The following PTPRQ variants were observed in gnomAD, a reference collection of about 807,000 sequenced individuals.
PTPRQ encodes the protein phosphatidylinositol phosphatase PTPRQ.
A neutral mutation model predicts 246.0 loss-of-function variants in PTPRQ; 199 were observed. The ratio of observed to expected loss-of-function variants is 0.81; its 90% confidence interval spans 0.72 to 0.91. PTPRQ has a LOEUF of 0.91. Ranked by LOEUF, PTPRQ falls within the 40% of genes least tolerant of loss-of-function variation. The pLI, the probability that PTPRQ is intolerant of heterozygous loss-of-function variation, is 0.00. For synonymous variants in PTPRQ, 869 were observed against 853.2 expected (o/e 1.02, Z -0.32); for missense variants, 2,624 against 2,528.4 (o/e 1.04, Z -0.81).
chr12:80,539,699 A>G, intron 19 of PTPRQ, 77 bp from the exon 20 acceptor site: 1 of 1,193,504 alleles, frequency 8.4e-7, no homozygotes, highest in Non-Finnish European at 1.1e-6. Flanking sequence ...AAATCGATCC[A>G]TTGATAACAA....
chr12:80,606,139 G>A (rs1053465872), intron 27 of PTPRQ, among the ~76,000 whole-genome samples: 13 of 151,056 alleles, frequency 8.6e-5, no homozygotes, highest in African/African-American at 2.4e-4. Context: ...GGAAAGGAAT[G>A]AGTTCAGTAT....
At chr12:80,665,941 AT>A (rs1049950128) in intron 39 of PTPRQ, among the ~76,000 whole-genome samples, 4 of 152,032 alleles carry the variant, frequency 2.6e-5, no homozygotes, top group African/African-American at 4.8e-5. Context: ...AGACAAAAAA[AT>A]AACAAATGCC....
chr12:80,600,917 G>A (rs757619091), intron 26 of PTPRQ, among the ~76,000 whole-genome samples: 5 of 151,688 alleles, frequency 3.3e-5, no homozygotes, highest in African/African-American at 9.7e-5. Flanking sequence ...ACTCAACTGG[G>A]CTTCAGCTTC....
chr12:80,521,110 A>G (rs12817701), intron 17 of PTPRQ, among the ~76,000 whole-genome samples: 52,647 of 151,240 alleles, frequency 0.35, 11,304 homozygotes, highest in African/African-American at 0.61. Context: ...TCTGATGGCC[A>G]GTGATGATGA....
intron 44 of PTPRQ, 114 bp downstream of exon 44, chr12:80,678,839 G>T: frequency 6.9e-7 from 1 of 1,439,166 alleles, no homozygotes; most frequent in Non-Finnish European, 9.1e-7. Flanking sequence ...TTAGTGCACA[G>T]ATCAGGTTTT....
At chr12:80,666,466 G>A (rs1170279759) in intron 39 of PTPRQ, among the ~76,000 whole-genome samples, 2 of 151,928 alleles carry the variant, frequency 1.3e-5, no homozygotes, top group African/African-American at 4.8e-5. Context: ...CAGCTAGATA[G>A]GAGAAATAAA....
intron 35 of PTPRQ, among the ~76,000 whole-genome samples, chr12:80,644,050 C>T (rs1316606652): frequency 6.6e-6 from 1 of 152,140 alleles, no homozygotes; most frequent in Non-Finnish European, 1.5e-5. Flanking sequence ...TCATCTGTGG[C>T]TCTCTATTAG....
At chr12:80,642,404 G>T (rs1215677066) in intron 35 of PTPRQ, among the ~76,000 whole-genome samples, 1 of 152,134 alleles carries the variant, frequency 6.6e-6, no homozygotes, top group Non-Finnish European at 1.5e-5. Context: ...CCCGGATGTA[G>T]CTAAACAATG....
intron 42 of PTPRQ, among the ~76,000 whole-genome samples, chr12:80,670,870 G>T (rs1900946983): frequency 6.6e-6 from 1 of 152,014 alleles, no homozygotes; most frequent in African/African-American, 2.4e-5. Context: ...ATGATGAAAA[G>T]TTCTGGAAAT....
intron 37 of PTPRQ, among the ~76,000 whole-genome samples, chr12:80,649,946 C>A (rs1197414182): frequency 6.6e-6 from 1 of 152,100 alleles, no homozygotes; most frequent in Non-Finnish European, 1.5e-5. Flanking sequence ...CTCTTTCATC[C>A]AGATGTAGGT....
At chr12:80,525,317 A>G (rs1895648867) in intron 17 of PTPRQ, among the ~76,000 whole-genome samples, 1 of 152,208 alleles carries the variant, frequency 6.6e-6, no homozygotes, top group African/African-American at 2.4e-5. Flanking sequence ...GGCTTAAGCA[A>G]AAATGGGAAT....
At chr12:80,646,362 G>A (rs528654588) in intron 35 of PTPRQ, among the ~76,000 whole-genome samples, 12 of 152,130 alleles carry the variant, frequency 7.9e-5, no homozygotes, top group African/African-American at 2.9e-4. Context: ...ACCAATAAAG[G>A]CATCATATTT....
chr12:80,565,046 T>C (rs78229034), intron 25 of PTPRQ, among the ~76,000 whole-genome samples: 1,700 of 152,314 alleles, frequency 0.011, 27 homozygotes, highest in African/African-American at 0.038. Flanking sequence ...ACTAAAAATA[T>C]TGTGAGTTAA....
chr12:80,491,784 T>G (rs1894457535), intron 9 of PTPRQ, among the ~76,000 whole-genome samples: 1 of 151,936 alleles, frequency 6.6e-6, no homozygotes, highest in African/African-American at 2.4e-5. Context: ...CTTTCTTTTT[T>G]GGAAAGTATT....
chr12:80,562,857 A>G (rs1301761592), intron 25 of PTPRQ, among the ~76,000 whole-genome samples: 1 of 152,142 alleles, frequency 6.6e-6, no homozygotes, highest in Non-Finnish European at 1.5e-5. Context: ...AAAATAAATA[A>G]AATTGACAAA....
intron 17 of PTPRQ, among the ~76,000 whole-genome samples, chr12:80,513,023 CTAGGGGTGAATG>C (rs1191377345): frequency 6.6e-6 from 1 of 152,034 alleles, no homozygotes. Context: ...ATGGCAGGGT[CTAGGGGTGAATG>C]TTTACAGCTG....
intron 44 of PTPRQ, 121 bp downstream of exon 44, chr12:80,678,846 T>A (rs1225039573): frequency 4.2e-6 from 6 of 1,431,826 alleles, no homozygotes; most frequent in East Asian, 5.1e-5. Flanking sequence ...ACAGATCAGG[T>A]TTTTTTTCTT....
At chr12:80,455,692 G>A (rs894444317) in intron 3 of PTPRQ, among the ~76,000 whole-genome samples, 4 of 149,882 alleles carry the variant, frequency 2.7e-5, no homozygotes, top group Admixed American at 1.3e-4. Context: ...CCAGGTTCAC[G>A]CCATTCTCCT....
At chr12:80,602,611 A>G (rs1304658812) in intron 26 of PTPRQ, among the ~76,000 whole-genome samples, 1 of 151,768 alleles carries the variant, frequency 6.6e-6, no homozygotes. Flanking sequence ...AGCCTGTCTT[A>G]TAAGGACCTT....
Sources: allele counts gnomAD v4.1 joint callset (sites outside exome capture counted in the v4.1 genomes callset), GRCh38; gene constraint gnomAD v4.1.1; transcripts MANE v1.5; gene names NCBI Gene and HGNC (gene_info 2026-07-23, HGNC 2026-07-21).